The following STAT4 variants were observed in gnomAD, a reference collection of about 807,000 sequenced individuals.
STAT4 encodes the protein signal transducer and activator of transcription 4.
A neutral mutation model predicts 110.5 loss-of-function variants in STAT4; 42 were observed. That is an observed-to-expected ratio of 0.38 (90% CI 0.30 to 0.49). The LOEUF (loss-of-function observed/expected upper bound fraction) is 0.49. Ranked by LOEUF, STAT4 falls within the 20% of genes least tolerant of loss-of-function variation. STAT4 has a pLI of 0.95. For synonymous variants in STAT4, 284 were observed against 302.2 expected (o/e 0.94, Z 0.63); for missense variants, 632 against 887.9 (o/e 0.71, Z 3.66).
Position 191,090,345 on chromosome 2 carries a change from C to T in STAT4, c.274-14020G>A, listed in dbSNP as rs1010414963. Among the ~76,000 whole-genome samples, 1 of 152,044 alleles carries T rather than the reference C, an allele frequency of 6.6e-6. No individual in the cohort carries two copies. The highest frequency in any genetic ancestry group is 2.4e-5 in the African/African-American group (1 of 41,398). Reference sequence around the variant, plus strand: ...ATGAATTCGAATGAATGAAGTTGCTCGCCTCCTCACTCAAAGTTAGCTTTA... The same window carrying T: ...ATGAATTCGAATGAATGAAGTTGCTTGCCTCCTCACTCAAAGTTAGCTTTA... On this transcript the variant is annotated intron_variant, in intron 3 of 23. Coordinates refer to ENST00000392320, the MANE Select transcript of STAT4 (RefSeq NM_003151.4). The surrounding 1 kb of genome is among the most constrained non-coding windows in gnomAD (Gnocchi z 4.2).
At chr2:191,106,570 C>T (rs1265495026) in intron 3 of STAT4, among the ~76,000 whole-genome samples, 7 of 151,502 alleles carry the variant, frequency 4.6e-5, no homozygotes, top group Non-Finnish European at 7.4e-5. Flanking sequence ...GCAGGAGAAT[C>T]GCTTGAACCT....
Position 191,031,525 on chromosome 2 carries a change from C to T in STAT4, c.2045-9G>A, listed in dbSNP as rs1156465216. On this transcript the variant is annotated splice_polypyrimidine_tract_variant and intron_variant, in intron 21 of 23. Coordinates refer to ENST00000392320, the MANE Select transcript of STAT4 (RefSeq NM_003151.4). The surrounding 1 kb of genome is among the most constrained non-coding windows in gnomAD (Gnocchi z 4.8). ...TTCTGTTGGTCTTGAAACTGGAAAA[C>T]AAAAAGGCACAATGTTGGGGAAAAA... 6 of 1,607,214 alleles carry T rather than the reference C, an allele frequency of 3.7e-6. No individual in the cohort carries two copies. In the African/African-American group the frequency reaches 8.1e-5, roughly 22 times the overall value.
chr2:191,127,120 G>GA lies in STAT4; in HGVS notation c.273+19492dup, dbSNP rs1008652884. On this transcript the variant is annotated intron_variant, in intron 3 of 23. Coordinates refer to ENST00000392320, the MANE Select transcript of STAT4 (RefSeq NM_003151.4). ...AGAGGGAGAACAGAGGTTAGAATGA[G>GA]AAAAAAAAAACCAAAAAAACTCAGT... Among the ~76,000 whole-genome samples, 1,036 of 147,284 alleles carry GA rather than the reference G, an allele frequency of 7.0e-3. 7 individuals carry two copies. Among genetic ancestry groups the GA allele is most frequent in the African/African-American group, 0.022 (880 of 40,212 alleles).
At chr2:191,103,673 A>C (rs1048804678) in intron 3 of STAT4, among the ~76,000 whole-genome samples, 26 of 152,192 alleles carry the variant, frequency 1.7e-4, no homozygotes, top group African/African-American at 6.3e-4. Flanking sequence ...AAAACAAATT[A>C]GATTTTAATA....
At chr2:191,045,796 T>G (rs924458318) in intron 14 of STAT4, among the ~76,000 whole-genome samples, 1 of 152,160 alleles carries the variant, frequency 6.6e-6, no homozygotes, top group Admixed American at 6.5e-5. Context: ...TTGACAAGGG[T>G]GGAATCACTT....
At chr2:191,092,276 C>T (rs547298446) in intron 3 of STAT4, among the ~76,000 whole-genome samples, 2 of 152,096 alleles carry the variant, frequency 1.3e-5, no homozygotes, top group East Asian at 1.9e-4. Flanking sequence ...TGGTGGCATG[C>T]GCCTGTAATC....
chr2:191,071,650 T>TCTCTG (rs1481366859), intron 5 of STAT4, among the ~76,000 whole-genome samples: 1 of 152,176 alleles, frequency 6.6e-6, no homozygotes, highest in Non-Finnish European at 1.5e-5. Context: ...CTTCAAAAGC[T>TCTCTG]CTCTGAATGA....
intron 8 of STAT4, 145 bp downstream of exon 8, chr2:191,064,662 A>G: frequency 3.0e-6 from 3 of 1,011,174 alleles, no homozygotes; most frequent in South Asian, 3.8e-5. Context: ...TTTGTTTTCA[A>G]CTGTAGATTT....
At chr2:191,056,211 C>T (rs920791370) in intron 13 of STAT4, among the ~76,000 whole-genome samples, 1 of 151,984 alleles carries the variant, frequency 6.6e-6, no homozygotes, top group Non-Finnish European at 1.5e-5. Flanking sequence ...TCAGTGGCGC[C>T]CAAACATTCA....
chr2:191,126,093 C>T (rs145144538), intron 3 of STAT4, among the ~76,000 whole-genome samples: 29 of 152,314 alleles, frequency 1.9e-4, no homozygotes, highest in African/African-American at 6.7e-4. Flanking sequence ...TAAAGCTAAA[C>T]ATAAATTAAT....
In STAT4 at chr2:191,035,786, T is replaced by C. The variant is rs1228522918; in HGVS notation, c.1570+378A>G. Among the ~76,000 whole-genome samples, 1 of 152,242 alleles carries C rather than the reference T, an allele frequency of 6.6e-6. No individual in the cohort carries two copies. The highest frequency in any genetic ancestry group is 1.5e-5 in the Non-Finnish European group (1 of 68,046). On this transcript the variant is annotated intron_variant, in intron 17 of 23. Coordinates refer to ENST00000392320, the MANE Select transcript of STAT4 (RefSeq NM_003151.4). The surrounding 1 kb of genome is among the most constrained non-coding windows in gnomAD (Gnocchi z 4.7). ...TATGAACGATCATATGAGGCACCAT[T>C]AAGGGTTCACCTCATATTTAGTGGA... is the stretch of plus-strand genomic sequence containing the variant.
At position 191,034,000 on chromosome 2, in the gene STAT4, A is replaced by G; in HGVS notation, c.1626T>C (p.His542=). 1 of 1,602,038 alleles carries G rather than the reference A, an allele frequency of 6.2e-7. No individual in the cohort carries two copies. Among genetic ancestry groups the G allele is most frequent in the Non-Finnish European group, 8.5e-7 (1 of 1,172,396 alleles). The change falls in exon 19 of 24, where the codon CAT becomes CAC. Residue 542 remains histidine, a synonymous_variant. Coordinates refer to ENST00000392320, the MANE Select transcript of STAT4 (RefSeq NM_003151.4). This position sits in a 1 kb window ranked among gnomAD's most constrained non-coding sequence, Gnocchi z 6.9. ...HLTWAKFCKE[H]LPGKSFTFWT... ...AAAAGGTAAATGATTTACCAGGTAAATGTTCCTACAGGAATAGACAAGCAC... is the reference window on the plus strand; with the variant it reads ...AAAAGGTAAATGATTTACCAGGTAAGTGTTCCTACAGGAATAGACAAGCAC...
At chr2:191,068,858 T>C (rs1435107096) in intron 6 of STAT4, among the ~76,000 whole-genome samples, 1 of 152,114 alleles carries the variant, frequency 6.6e-6, no homozygotes, top group African/African-American at 2.4e-5. Context: ...TCTTCTATTA[T>C]TATTTGTAAA....
rs548878316 is a variant in STAT4, at chr2:191,099,341, C to A, written c.274-23016G>T. On this transcript the variant is annotated intron_variant, in intron 3 of 23. Transcript: ENST00000392320. The surrounding 1 kb of genome is among the most constrained non-coding windows in gnomAD (Gnocchi z 4.1). ...TTTAAAATGCTTATATTTTGACTAG[C>A]AAGTCCATATCTAGGAATCCATCCA... Among the ~76,000 whole-genome samples, 15 of 152,158 alleles carry A rather than the reference C, an allele frequency of 9.9e-5. No homozygotes were observed. In the East Asian group the frequency reaches 2.9e-3, roughly 29 times the overall value.
chr2:191,115,807 G>T (rs970628545), intron 3 of STAT4, among the ~76,000 whole-genome samples: 2 of 152,100 alleles, frequency 1.3e-5, no homozygotes, highest in African/African-American at 4.8e-5. Context: ...AATAAATTTT[G>T]TATTTTCCTG....
chr2:191,115,772 TTC>T (rs1185325833), intron 3 of STAT4, among the ~76,000 whole-genome samples: 1 of 152,182 alleles, frequency 6.6e-6, no homozygotes. Context: ...AATACTGACT[TTC>T]TGTCAATGCA....
intron 13 of STAT4, among the ~76,000 whole-genome samples, chr2:191,057,597 T>C (rs1388495780): frequency 7.5e-6 from 1 of 132,826 alleles, no homozygotes; most frequent in Non-Finnish European, 1.6e-5. Flanking sequence ...TTTTTTTTTC[T>C]TTTTCTTTTT....
chr2:191,064,430 T>C (rs1449210982), intron 8 of STAT4, among the ~76,000 whole-genome samples: 5 of 152,190 alleles, frequency 3.3e-5, no homozygotes, highest in Non-Finnish European at 7.4e-5. Context: ...ACAAAAGAAA[T>C]CACTATGTTG....
intron 3 of STAT4, among the ~76,000 whole-genome samples, chr2:191,120,246 G>C (rs1282953558): frequency 1.3e-5 from 2 of 152,122 alleles, no homozygotes; most frequent in African/African-American, 4.8e-5. Flanking sequence ...ATGTAGAGGA[G>C]ACTGAAAAGG....
Sources: allele counts gnomAD v4.1 joint callset (sites outside exome capture counted in the v4.1 genomes callset), GRCh38; gene constraint gnomAD v4.1.1; non-coding constraint Gnocchi (gnomAD v3.1); transcripts MANE v1.5; gene names NCBI Gene and HGNC (gene_info 2026-07-23, HGNC 2026-07-21).